TLCD4: variants seen among roughly 807,000 people sequenced by gnomAD.
The protein encoded by TLCD4 is TLC domain containing 4, also known as TLC domain-containing protein 4.
A neutral mutation model predicts 24.2 loss-of-function variants in TLCD4; 7 were observed. That is an observed-to-expected ratio of 0.29 (90% CI 0.16 to 0.54). The LOEUF (loss-of-function observed/expected upper bound fraction) is 0.54. TLCD4 is among the 20% of genes least tolerant of loss of function. TLCD4 has a pLI of 0.95. For missense variants in TLCD4, 259 were observed against 313.9 expected, an observed-to-expected ratio of 0.82 and a Z score of 1.32; for synonymous variants, 103 against 106.4, an observed-to-expected ratio of 0.97 and a Z score of 0.20.
chr1:95,175,357 A>C (rs970993015), intron 6 of TLCD4, among the ~76,000 whole-genome samples: 1 of 152,206 alleles, frequency 6.6e-6, no homozygotes, highest in African/African-American at 2.4e-5. Flanking sequence ...GTTGTAGCAT[A>C]TGACAGGATT....
intron 5 of TLCD4, among the ~76,000 whole-genome samples, chr1:95,162,933 C>T (rs1677876093): frequency 6.6e-6 from 1 of 152,210 alleles, no homozygotes; most frequent in Non-Finnish European, 1.5e-5. Flanking sequence ...CTGCCCTTAA[C>T]ATTTTTTCCT....
At chr1:95,160,032 A>G (rs574556146) in intron 5 of TLCD4, among the ~76,000 whole-genome samples, 3 of 152,280 alleles carry the variant, frequency 2.0e-5, no homozygotes, top group Admixed American at 2.0e-4. Flanking sequence ...GTTTTTTCCA[A>G]TTCTGTGAAG....
chr1:95,179,996 G>A (rs1678576855), intron 6 of TLCD4, among the ~76,000 whole-genome samples: 1 of 152,166 alleles, frequency 6.6e-6, no homozygotes, highest in Admixed American at 6.5e-5. Context: ...TTATTGCAAA[G>A]TTCTCTCTTT....
At chr1:95,096,516 T>C in the TLCD4 span, among the ~76,000 whole-genome samples, 1 of 152,200 alleles carries the variant, frequency 6.6e-6, no homozygotes, top group Non-Finnish European at 1.5e-5. Context: ...ACCTATAGAT[T>C]GTGCCAAAAT....
At chr1:95,185,088 G>A (rs1044957489) in intron 6 of TLCD4, among the ~76,000 whole-genome samples, 2 of 150,690 alleles carry the variant, frequency 1.3e-5, no homozygotes, top group African/African-American at 4.9e-5. Flanking sequence ...ATATGTAACT[G>A]ACTAATTTCT....
the TLCD4 span, among the ~76,000 whole-genome samples, chr1:95,099,264 C>CTGAG: frequency 9.9e-6 from 1 of 101,138 alleles, no homozygotes; most frequent in East Asian, 2.4e-4. Flanking sequence ...CCCCTCTCTA[C>CTGAG]TCAGAAATGA....
chr1:95,150,197 T>C lies in TLCD4; in HGVS notation c.246-11T>C, dbSNP rs752781128. ...TATATACTTTAAAAAGGAACCTTTT[T>C]TTTTTTTCAGGGGTGGTCCATCACT... On this transcript the variant is annotated splice_polypyrimidine_tract_variant and intron_variant, in intron 3 of 6. Coordinates refer to ENST00000370203, the MANE Select transcript of TLCD4 (RefSeq NM_152487.3). The C allele has an allele frequency of 1.9e-6, 3 of 1,604,406 alleles. No homozygotes were observed. The South Asian group carries it at 3.4e-5, about 18-fold the overall frequency.
intron 1 of TLCD4, among the ~76,000 whole-genome samples, chr1:95,123,994 G>A (rs1676642888): frequency 6.6e-6 from 1 of 152,212 alleles, no homozygotes; most frequent in South Asian, 2.1e-4. Flanking sequence ...TCACTCAGCA[G>A]TGAAAGCGCA....
At position 95,191,649 on chromosome 1, in the gene TLCD4, A is replaced by G. The variant is rs184579531; in HGVS notation, c.573A>G (p.Ser191=). ...TATTCTTCATCGTGCGGATTGCCTC[A>G]ATGCTTCCTCATTATGGCTTCATGT... The part of the protein sequence containing the change: ...TVVFFIVRIA[S]MLPHYGFMYS... Residue 191 remains serine (S), a synonymous_variant, in exon 7 of 7, where the codon TCA becomes TCG. Coordinates refer to ENST00000370203, the MANE Select transcript of TLCD4 (RefSeq NM_152487.3). 2.5e-6 allele frequency: 4 copies of G among 1,614,144 alleles called. No homozygotes were observed. Among genetic ancestry groups the G allele is most frequent in the African/African-American group, 2.7e-5 (2 of 75,046 alleles).
chr1:95,122,836 G>GA (rs1347771332), intron 1 of TLCD4, among the ~76,000 whole-genome samples: 15 of 152,110 alleles, frequency 9.9e-5, no homozygotes, highest in African/African-American at 3.6e-4. Flanking sequence ...CAAATAGGCT[G>GA]AAAAAATCTT....
At chr1:95,189,609 C>T (rs771540508) in intron 6 of TLCD4, among the ~76,000 whole-genome samples, 2 of 152,174 alleles carry the variant, frequency 1.3e-5, no homozygotes, top group Non-Finnish European at 2.9e-5. Context: ...TGTCTTGATA[C>T]TTTTGCTTTT....
chr1:95,121,660 G>A (rs996601293), intron 1 of TLCD4, among the ~76,000 whole-genome samples: 4 of 152,114 alleles, frequency 2.6e-5, no homozygotes, highest in Admixed American at 6.6e-5. Flanking sequence ...TGGTAGAGAC[G>A]GGGTTTCACC....
Position 95,117,969 on chromosome 1 carries a change from G to A in TLCD4, c.-12+352G>A, listed in dbSNP as rs913924342. The A allele has an allele frequency of 2.6e-5, 4 of 152,334 alleles. No individual in the cohort carries two copies. In the Middle Eastern group the frequency reaches 0.014, roughly 518 times the overall value. The allele number at this position is 152,334 out of a possible 1,614,324, so 9.4% of individuals were successfully genotyped here. Reference sequence around the variant, plus strand: ...CGCGTTTCTCGGGCTGCACGATTCCGGCTGCCCTGTCTGCCTGGCGGTGCC... The same window carrying A: ...CGCGTTTCTCGGGCTGCACGATTCCAGCTGCCCTGTCTGCCTGGCGGTGCC... On this transcript the variant is annotated intron_variant, in intron 1 of 6. Transcript: ENST00000370203.
chr1:95,107,927 AGAG>A, the TLCD4 span, among the ~76,000 whole-genome samples: 1 of 152,230 alleles, frequency 6.6e-6, no homozygotes, highest in Admixed American at 6.5e-5. Context: ...GGCTGTCGTG[AGAG>A]ATGAATGCTC....
chr1:95,101,095 A>G, the TLCD4 span, among the ~76,000 whole-genome samples: 2 of 151,368 alleles, frequency 1.3e-5, no homozygotes, highest in Admixed American at 1.3e-4. Context: ...TTTAGTAGAG[A>G]TGGTGGTTTC....
chr1:95,113,817 A>G (rs1170696766), upstream of TLCD4, among the ~76,000 whole-genome samples: 2 of 152,152 alleles, frequency 1.3e-5, no homozygotes, highest in African/African-American at 4.8e-5. Context: ...TTAAGAGGCT[A>G]AATGGGGAGG....
At chr1:95,141,832 CAA>C (rs60645366) in intron 1 of TLCD4, among the ~76,000 whole-genome samples, 44 of 141,406 alleles carry the variant, frequency 3.1e-4, no homozygotes, top group African/African-American at 1.1e-3. Context: ...CACACACACA[CAA>C]AGAATGAGGA....
At chr1:95,144,839 C>T (rs910955328) in intron 2 of TLCD4, among the ~76,000 whole-genome samples, 3 of 151,904 alleles carry the variant, frequency 2.0e-5, no homozygotes, top group East Asian at 1.9e-4. Context: ...TACAGGCATG[C>T]GCCACCATGC....
intron 6 of TLCD4, among the ~76,000 whole-genome samples, chr1:95,180,678 A>G (rs1678606827): frequency 6.6e-6 from 1 of 152,158 alleles, no homozygotes; most frequent in African/African-American, 2.4e-5. Flanking sequence ...AATGGTGCTA[A>G]TTTCTTTCTT....
Sources: gnomAD v4.1 joint callset for allele counts (sites outside exome capture counted in the v4.1 genomes callset) on GRCh38, gnomAD v4.1.1 for gene constraint, MANE v1.5 for transcripts, NCBI Gene and HGNC (gene_info 2026-07-23, HGNC 2026-07-21) for gene names.